Variants in TACC2 observed in about 807,000 individuals in gnomAD.
The protein encoded by TACC2 is transforming acidic coiled-coil containing protein 2.
Under a neutral mutation model 227.3 loss-of-function variants are expected in TACC2, and 137 were observed. The ratio of observed to expected loss-of-function variants is 0.60; its 90% CI spans 0.52 to 0.69. The LOEUF (loss-of-function observed/expected upper bound fraction) is 0.69. Among genes scored for constraint, TACC2 ranks in the 30% least tolerant of loss-of-function variants. The pLI is 0.00. For missense variants in TACC2, 3,470 were observed against 3,694.4 expected (o/e 0.94, Z 1.57); for synonymous variants, 1,523 against 1,487.5 (o/e 1.02, Z -0.55).
At chr10:122,075,598 T>A (rs1258870219) in intron 3 of TACC2, among the ~76,000 whole-genome samples, 1 of 152,016 alleles carries the variant, frequency 6.6e-6, no homozygotes, top group African/African-American at 2.4e-5. Flanking sequence ...AGTCTCTAAT[T>A]TGAGGGCCCA....
At chr10:122,152,640 T>C (rs1202757440) in intron 7 of TACC2, among the ~76,000 whole-genome samples, 1 of 152,220 alleles carries the variant, frequency 6.6e-6, no homozygotes, top group African/African-American at 2.4e-5. Flanking sequence ...GGAGGCAGCT[T>C]GTCCCGAGGT....
chr10:122,132,218 A>C (rs1235488292), intron 5 of TACC2, among the ~76,000 whole-genome samples: 1 of 152,138 alleles, frequency 6.6e-6, no homozygotes, highest in African/African-American at 2.4e-5. Context: ...CCTGCTCAGG[A>C]TCCAGATAGA....
rs1213747876 is a variant in TACC2 at position 122,216,650 on chromosome 10, A to C, written c.7368A>C (p.Pro2456=). 6.2e-7 allele frequency: 1 copy of C among 1,614,000 alleles called. No homozygotes were observed. Among genetic ancestry groups the C allele is most frequent in the Admixed American group, 1.7e-5 (1 of 59,988 alleles). ...PSQDPTPAAT[P]ETPPVISAVV... ...AGGACCCCACCCCAGCTGCTACACC[A>C]GAAACACCACCAGTGATCTCTGCGG... Residue 2456 remains proline, a synonymous_variant, in exon 11 of 23, where the codon CCA becomes CCC. Coordinates refer to ENST00000369005, the MANE Select transcript of TACC2 (RefSeq NM_206862.4).
At chr10:122,072,131 A>C (rs1156882387) in intron 3 of TACC2, among the ~76,000 whole-genome samples, 1 of 151,698 alleles carries the variant, frequency 6.6e-6, no homozygotes. Flanking sequence ...GGCGCCTGCC[A>C]CTATGCCCGG....
intron 1 of TACC2, among the ~76,000 whole-genome samples, chr10:122,016,072 G>A (rs996612445): frequency 1.3e-5 from 2 of 150,960 alleles, no homozygotes; most frequent in African/African-American, 4.9e-5. Context: ...ACCAGCCTGG[G>A]CAACATGGCG....
intron 16 of TACC2, 27 bp from the exon 17 acceptor site, chr10:122,237,368 T>C: frequency 6.3e-7 from 1 of 1,589,554 alleles, no homozygotes. Flanking sequence ...CTAACTGTTT[T>C]TTTTTTAATT....
intron 5 of TACC2, among the ~76,000 whole-genome samples, chr10:122,125,382 G>A (rs988649043): frequency 6.7e-6 from 1 of 148,196 alleles, no homozygotes; most frequent in African/African-American, 2.5e-5. Context: ...TTTTTTTTTA[G>A]TAGAGATTGG....
chr10:122,148,792 C>A (rs1238239609), intron 7 of TACC2, among the ~76,000 whole-genome samples: 2 of 152,244 alleles, frequency 1.3e-5, no homozygotes, highest in Admixed American at 1.3e-4. Context: ...ACTCCCCTCC[C>A]CCCACTCTCA....
chr10:121,996,385 T>C (rs1479044369), intron 1 of TACC2, among the ~76,000 whole-genome samples: 2 of 152,182 alleles, frequency 1.3e-5, no homozygotes, highest in East Asian at 1.9e-4. Flanking sequence ...CCAGCTGTCA[T>C]GTGAACTAAT....
intron 7 of TACC2, chr10:122,164,116 G>T: frequency 8.3e-7 from 1 of 1,208,220 alleles, no homozygotes; most frequent in Non-Finnish European, 1.2e-6. Context: ...GGGGTTCTTC[G>T]CAGCCTTGGA....
Position 122,022,087 on chromosome 10 carries a change from C to T in TACC2, c.33+73C>T, listed in dbSNP as rs185413233. 1.1e-4 allele frequency: 169 copies of T among 1,486,642 alleles called. 1 individual carries two copies. In the East Asian group the frequency reaches 2.3e-3, roughly 20 times the overall value. The allele number at this position is 1,486,642 out of a possible 1,614,324, so 92.1% of individuals were successfully genotyped here. On this transcript the variant is annotated intron_variant, in intron 2 of 22. Transcript: ENST00000369005. ...GACCTTGACTAGGTTCTTTTTACAG[C>T]GTCTCATCTTCACCCAGGAAGGAGC...
intron 7 of TACC2, among the ~76,000 whole-genome samples, chr10:122,166,137 C>T (rs1026485236): frequency 5.9e-5 from 9 of 152,244 alleles, no homozygotes; most frequent in South Asian, 4.1e-4. Flanking sequence ...ACACAGGGTG[C>T]GCACCTGCCG....
intron 5 of TACC2, among the ~76,000 whole-genome samples, chr10:122,096,240 G>A (rs1360558137): frequency 1.3e-5 from 2 of 152,156 alleles, no homozygotes; most frequent in Non-Finnish European, 1.5e-5. Flanking sequence ...ATTGCACCTG[G>A]GGGCTTGGCT....
intron 13 of TACC2, 103 bp from the exon 14 acceptor site, chr10:122,227,734 G>GTCCA: frequency 7.6e-7 from 1 of 1,312,318 alleles, no homozygotes; most frequent in Non-Finnish European, 1.1e-6. Context: ...CCCTCTGGAA[G>GTCCA]TCCAGGATTC....
chr10:122,006,482 A>ATAAATAAAT (rs1201081674), intron 1 of TACC2, among the ~76,000 whole-genome samples: 80 of 149,578 alleles, frequency 5.3e-4, no homozygotes, highest in Non-Finnish European at 9.0e-4. Context: ...AAATAAATAA[A>ATAAATAAAT]AAATAGGATG....
chr10:122,141,286 G>GT lies in TACC2; in HGVS notation c.5700-2285dup, dbSNP rs956535062. Among the ~76,000 whole-genome samples the GT allele has an allele frequency of 6.6e-6, 1 of 152,152 alleles. No individual in the cohort carries two copies. The highest frequency in any genetic ancestry group is 2.4e-5 in the African/African-American group (1 of 41,438). ...ATGGTGAGTCACTGAGTGTTTCCTC[G>GT]TGGGAGCCTGACCTCCTCGGCCCCT... On this transcript the variant is annotated intron_variant, in intron 6 of 22. Coordinates refer to ENST00000369005, the MANE Select transcript of TACC2 (RefSeq NM_206862.4). The surrounding 1 kb of genome is among the most constrained non-coding windows in gnomAD (Gnocchi z 4.3).
chr10:122,132,045 A>AAAGGAAGGAAGGAAGGAAGGAAGGAAGG (rs1565389785), intron 5 of TACC2, among the ~76,000 whole-genome samples: 19 of 3,186 alleles, frequency 6.0e-3, no homozygotes, highest in Admixed American at 0.019. Flanking sequence ...AGAAAGAAAG[A>AAAGGAAGGAAGGAAGGAAGGAAGGAAGG]AAGAAAGAAA....
Position 122,211,553 on chromosome 10 carries a change from G to C in TACC2, c.7128G>C (p.Glu2376Asp), listed in dbSNP as rs770069199. 7 of 1,614,002 alleles carry C rather than the reference G, an allele frequency of 4.3e-6. No individual in the cohort carries two copies. The highest frequency in any genetic ancestry group is 5.1e-6 in the Non-Finnish European group (6 of 1,180,004). ...SYNFDPDTCD[E>D]SVDPFKTSSK... The stretch of plus-strand genomic sequence containing the variant: ...ACTTTGACCCAGACACCTGTGATGA[G>C]TCCGTTGACCCCTTTAAGACATCCT... Residue 2376 changes from glutamate (E) to aspartate (D), a missense_variant, in exon 9 of 23, where the codon GAG becomes GAC. Transcript: ENST00000369005.
rs748671437 is a variant in TACC2, at chr10:122,088,576, C to T, written c.5558C>T (p.Ala1853Val). Reference protein sequence around the residue: ...DKVTSDETRGAEGTESSPVAD... With the variant: ...DKVTSDETRGVEGTESSPVAD... ...GTCACTTCAGATGAGACCAGAGGTG[C>T]GGAAGGAACAGAAAGGTCAGCGAAA... Residue 1853 changes from alanine to valine, a missense_variant, in exon 5 of 23, where the codon GCG becomes GTG. By Grantham distance (64) the Ala-to-Val change is moderately conservative (BLOSUM62 0). This residue lies in a region of TACC2 where 1,924 missense variants were observed against 1,978.3 expected (regional missense o/e 0.97). Transcript: ENST00000369005. The T allele has an allele frequency of 2.2e-5, 35 of 1,613,074 alleles. No homozygotes were observed. The highest frequency in any genetic ancestry group is 1.1e-4 in the African/African-American group (8 of 74,862).
Sources: gnomAD v4.1 joint callset for allele counts (sites outside exome capture counted in the v4.1 genomes callset) on GRCh38, gnomAD v4.1.1 for gene constraint, gnomAD v4.1.1 regional missense constraint, Gnocchi (gnomAD v3.1) non-coding constraint, MANE v1.5 for transcripts, NCBI Gene and HGNC (gene_info 2026-07-23, HGNC 2026-07-21) for gene names.